The following CSMD2 variants were observed in gnomAD, a reference collection of about 807,000 sequenced individuals.
CSMD2 encodes CUB and sushi domain-containing protein 2.
In CSMD2, 130 loss-of-function variants were observed where a neutral mutation model predicts 398.5. The observed-to-expected ratio is 0.33, with a 90% CI of 0.28 to 0.38. The LOEUF (loss-of-function observed/expected upper bound fraction) is 0.38, where lower values mean the gene tolerates loss of function less well. Among genes scored for constraint, CSMD2 ranks in the 10% least tolerant of loss-of-function variants. The probability of loss-of-function intolerance (pLI) is 1.00; values close to 1 mark genes in which losing one functional copy is unlikely to be tolerated. For missense variants in CSMD2, 3,829 were observed against 4,764.9 expected (o/e 0.80, Z 5.78); for synonymous variants, 1,828 against 1,908.5 (o/e 0.96, Z 1.10).
intron 3 of CSMD2, among the ~76,000 whole-genome samples, chr1:34,006,913 ACT>A (rs1285069745): frequency 6.6e-6 from 1 of 151,550 alleles, no homozygotes; most frequent in Non-Finnish European, 1.5e-5. Context: ...CCACTGCCAG[ACT>A]CTCTCAGGCA....
chr1:33,982,847 C>T (rs145093159), intron 3 of CSMD2, among the ~76,000 whole-genome samples: 1 of 152,256 alleles, frequency 6.6e-6, no homozygotes, highest in Non-Finnish European at 1.5e-5. Flanking sequence ...GAACCCAGCT[C>T]GTGAAGGCTT....
Position 33,633,713 on chromosome 1 carries a change from G to A in CSMD2, c.5087-178C>T, listed in dbSNP as rs1038582649. On this transcript the variant is annotated intron_variant, in intron 31 of 70. Transcript: ENST00000373381. This position sits in a 1 kb window ranked among gnomAD's most constrained non-coding sequence, Gnocchi z 5.0. ...ACAGTCTGGCAGTGGCCAGACACCC[G>A]GCACAGGGAGGCGGGGAGCTGGGAA... is the stretch of plus-strand genomic sequence containing the variant. 6.6e-6 allele frequency among the ~76,000 whole-genome samples: 1 copy of A among 152,142 alleles called. No individual in the cohort carries two copies. The highest frequency in any genetic ancestry group is 1.5e-5 in the Non-Finnish European group (1 of 68,024).
intron 9 of CSMD2, among the ~76,000 whole-genome samples, chr1:33,818,898 C>T (rs921065830): frequency 2.0e-5 from 3 of 152,206 alleles, no homozygotes; most frequent in Non-Finnish European, 4.4e-5. Flanking sequence ...CAAAGAGAGG[C>T]AAAGAATCTC....
chr1:34,003,732 C>T (rs1228418197), intron 3 of CSMD2, among the ~76,000 whole-genome samples: 1 of 152,164 alleles, frequency 6.6e-6, no homozygotes, highest in African/African-American at 2.4e-5. Context: ...CATCCAGGCA[C>T]CACACCCTGC....
At chr1:33,956,103 T>C (rs1209531809) in intron 3 of CSMD2, among the ~76,000 whole-genome samples, 1 of 152,086 alleles carries the variant, frequency 6.6e-6, no homozygotes, top group Middle Eastern at 3.2e-3. Flanking sequence ...TTTTTAATTA[T>C]AGTAAAATAT....
intron 52 of CSMD2, among the ~76,000 whole-genome samples, chr1:33,568,152 ACAAG>A (rs1659236393): frequency 6.6e-6 from 1 of 150,384 alleles, no homozygotes; most frequent in Non-Finnish European, 1.5e-5. Flanking sequence ...AAACAAACAA[ACAAG>A]AAACGCCCCC....
In CSMD2 at chr1:33,921,947, A is replaced by G. The variant is rs544259471; in HGVS notation, c.713-3646T>C. ...CCCATCATCAAAGCTGCAACTAGGC[A>G]GGGAGGAAAGAGAAGCAGCAGGAAG... On this transcript the variant is annotated intron_variant, in intron 4 of 70. Transcript: ENST00000373381. Among the ~76,000 whole-genome samples the G allele has an allele frequency of 5.3e-5, 8 of 152,294 alleles. No homozygotes were observed. In the South Asian group the frequency reaches 1.7e-3, roughly 32 times the overall value.
intron 49 of CSMD2, among the ~76,000 whole-genome samples, chr1:33,575,465 T>C (rs772207945): frequency 6.6e-6 from 1 of 151,838 alleles, no homozygotes; most frequent in Non-Finnish European, 1.5e-5. Context: ...GCCAGCTGGG[T>C]AGGGACTGAG....
At chr1:33,781,859 T>G (rs1652809213) in intron 12 of CSMD2, among the ~76,000 whole-genome samples, 1 of 151,760 alleles carries the variant, frequency 6.6e-6, no homozygotes, top group Non-Finnish European at 1.5e-5. Flanking sequence ...TGGCTCAGAG[T>G]GCTCAGATAT....
chr1:34,070,887 C>T (rs569779222), intron 2 of CSMD2, among the ~76,000 whole-genome samples: 12 of 152,206 alleles, frequency 7.9e-5, no homozygotes, highest in East Asian at 1.9e-4. Flanking sequence ...GTAGGGTTTA[C>T]GTAAGTTTAA....
intron 25 of CSMD2, among the ~76,000 whole-genome samples, chr1:33,682,970 G>A (rs926313788): frequency 6.6e-6 from 1 of 152,142 alleles, no homozygotes; most frequent in Non-Finnish European, 1.5e-5. Context: ...GGGAGGTGAT[G>A]GCCTTTTGTA....
intron 28 of CSMD2, 143 bp downstream of exon 28, chr1:33,652,180 A>G: frequency 1.3e-6 from 1 of 779,600 alleles, no homozygotes. Context: ...AATAAATGCT[A>G]GTTTCTCTCT....
At chr1:33,946,630 T>C (rs471808) in intron 3 of CSMD2, among the ~76,000 whole-genome samples, 43,699 of 151,508 alleles carry the variant, frequency 0.29, 6,574 homozygotes, top group Middle Eastern at 0.44. Flanking sequence ...CTTTTTTTTT[T>C]TTTTTTGAGA....
intron 21 of CSMD2, chr1:33,709,599 A>G (rs1299338654): frequency 1.5e-5 from 6 of 387,334 alleles, no homozygotes; most frequent in Non-Finnish European, 2.3e-5. Context: ...ATAGTAGCGT[A>G]GCAACAGAAA....
intron 25 of CSMD2, among the ~76,000 whole-genome samples, chr1:33,685,757 A>T (rs1474511485): frequency 6.6e-6 from 1 of 152,122 alleles, no homozygotes; most frequent in African/African-American, 2.4e-5. Flanking sequence ...CTTCTCTGTT[A>T]CTGAACTCCG....
intron 1 of CSMD2, among the ~76,000 whole-genome samples, chr1:34,160,842 G>A (rs1172447588): frequency 6.6e-6 from 1 of 152,158 alleles, no homozygotes; most frequent in Non-Finnish European, 1.5e-5. Context: ...AACATACAAA[G>A]CAGGGGAAAT....
At chr1:33,592,035 T>C in intron 44 of CSMD2, 1 of 300,254 alleles carries the variant, frequency 3.3e-6, no homozygotes, top group Non-Finnish European at 6.4e-6. Flanking sequence ...TGCTGGGTCC[T>C]AGGTTGTTGT....
intron 15 of CSMD2, among the ~76,000 whole-genome samples, chr1:33,730,949 A>G (rs1158286246): frequency 6.6e-6 from 1 of 152,228 alleles, no homozygotes; most frequent in East Asian, 1.9e-4. Context: ...CAAATTTTAA[A>G]TATCAGTTTC....
intron 8 of CSMD2, among the ~76,000 whole-genome samples, chr1:33,820,195 T>C (rs540704564): frequency 6.6e-6 from 1 of 152,262 alleles, no homozygotes; most frequent in Non-Finnish European, 1.5e-5. Context: ...TGGCGTGTCA[T>C]TACTGAGATG....
Sources: gnomAD v4.1 joint callset for allele counts (sites outside exome capture counted in the v4.1 genomes callset) on GRCh38, gnomAD v4.1.1 for gene constraint, Gnocchi (gnomAD v3.1) non-coding constraint, MANE v1.5 for transcripts, NCBI Gene and HGNC (gene_info 2026-07-23, HGNC 2026-07-21) for gene names.